BPIFB1: variants seen among roughly 807,000 people sequenced by gnomAD.
BPIFB1 encodes BPI fold containing family B member 1.
BPIFB1 carries 34 observed loss-of-function variants against 55.1 expected under a neutral mutation model. That is an observed-to-expected ratio of 0.62 (90% CI 0.47 to 0.82). BPIFB1 has a LOEUF of 0.82. Among genes scored for constraint, BPIFB1 ranks in the 40% least tolerant of loss-of-function variants. The probability of loss-of-function intolerance (pLI) is 0.00; values close to 1 mark genes in which losing one functional copy is unlikely to be tolerated. For missense variants in BPIFB1, 532 were observed against 593.1 expected, an observed-to-expected ratio of 0.90 and a Z score of 1.07; for synonymous variants, 236 against 245.3, an observed-to-expected ratio of 0.96 and a Z score of 0.35.
chr20:33,305,505 G>A (rs1294574262), intron 13 of BPIFB1, among the ~76,000 whole-genome samples: 1 of 151,862 alleles, frequency 6.6e-6, no homozygotes, highest in Non-Finnish European at 1.5e-5. Flanking sequence ...TTTTAGTAGA[G>A]ACAGGGTTTC....
intron 15 of BPIFB1, chr20:33,307,834 A>T (rs778439434): frequency 1.3e-5 from 2 of 152,108 alleles, no homozygotes; most frequent in Non-Finnish European, 2.9e-5. Context: ...GAATTGCTTG[A>T]ACCCAGGAGG....
At chr20:33,293,779 T>A (rs1331307091) in intron 6 of BPIFB1, among the ~76,000 whole-genome samples, 1 of 152,224 alleles carries the variant, frequency 6.6e-6, no homozygotes, top group Non-Finnish European at 1.5e-5. Context: ...ATGTTGAGGC[T>A]GCAGTGAGTC....
At chr20:33,306,858 CT>C in intron 14 of BPIFB1, 52 bp from the exon 15 acceptor site, 1 of 1,494,538 alleles carries the variant, frequency 6.7e-7, no homozygotes, top group South Asian at 1.1e-5. Context: ...CTGCCCCTGG[CT>C]GCCCAGTCTC....
In BPIFB1 at chr20:33,288,791, C is replaced by CCCA. The variant is rs755196186; in HGVS notation, c.166_167insCCA (p.Leu56delinsProMet). Reference sequence around the variant, plus strand: ...CAACGCCACCAGCATCCTGCAGCAGCTGCCGCTGCTCAGTGCCATGCGGGA... The same window carrying CCCA: ...CAACGCCACCAGCATCCTGCAGCAGCCCATGCCGCTGCTCAGTGCCATGCGGGA... On this transcript the variant is annotated protein_altering_variant, in exon 3 of 16. Coordinates refer to ENST00000253354, the MANE Select transcript of BPIFB1 (RefSeq NM_033197.3). 1 of 1,614,036 alleles carries CCCA rather than the reference C, an allele frequency of 6.2e-7. No homozygotes were observed. The highest frequency in any genetic ancestry group is 1.1e-5 in the South Asian group (1 of 91,080).
In BPIFB1 at chr20:33,306,211, C is replaced by T. The variant is rs1981022268; in HGVS notation, c.1318+146C>T. 3.4e-6 allele frequency: 3 copies of T among 881,848 alleles called. No individual in the cohort carries two copies. In the East Asian group the frequency reaches 7.6e-5, roughly 22 times the overall value. 54.6% of individuals were successfully genotyped at this position (881,848 alleles called of 1,614,324 possible). A position where few individuals can be genotyped will look rare whatever the true frequency, so the allele number is the denominator to read the frequency against. ...TCAAAATCTGCCTCCTCCCAAGAAC[C>T]TTCTCAGCCCAATTCCTTTGCTAGT... is the stretch of plus-strand genomic sequence containing the variant. On this transcript the variant is annotated intron_variant, in intron 14 of 15. Transcript: ENST00000253354.
rs780773323 is a variant in BPIFB1 at position 33,302,980 on chromosome 20, T to G, written c.1046T>G (p.Phe349Cys). ...KILTQDTPEF[F>C]IDQGHAKVAQ... ...CTAACTCAGGACACTCCCGAGTTTT[T>G]TATAGACCAAGGCCATGCCAAGGTG... Residue 349 changes from phenylalanine to cysteine, a missense_variant, in exon 11 of 16, where the codon TTT becomes TGT. Transcript: ENST00000253354. The G allele has an allele frequency of 6.3e-5, 101 of 1,613,992 alleles. No homozygotes were observed. The highest frequency in any genetic ancestry group is 8.0e-5 in the Non-Finnish European group (94 of 1,179,992).
intron 3 of BPIFB1, among the ~76,000 whole-genome samples, chr20:33,289,556 G>T (rs1980386978): frequency 6.6e-6 from 1 of 152,224 alleles, no homozygotes; most frequent in South Asian, 2.1e-4. Context: ...CTGGGCAAAG[G>T]CATGGAGAAG....
At chr20:33,296,507 A>T (rs1425139108) in intron 6 of BPIFB1, among the ~76,000 whole-genome samples, 1 of 152,222 alleles carries the variant, frequency 6.6e-6, no homozygotes, top group Non-Finnish European at 1.5e-5. Flanking sequence ...TAAGCAGAAC[A>T]GCTCAGGTCA....
intron 7 of BPIFB1, among the ~76,000 whole-genome samples, chr20:33,299,540 G>A (rs1054179411): frequency 6.6e-6 from 1 of 152,184 alleles, no homozygotes. Context: ...GTTCCAAACC[G>A]GGACTTTGGC....
chr20:33,288,679 T>G (rs2295576), intron 2 of BPIFB1, 62 bp from the exon 3 acceptor site: 1 of 1,576,422 alleles, frequency 6.3e-7, no homozygotes, highest in Non-Finnish European at 8.6e-7. Context: ...AGCCTGGAGC[T>G]CCCACCAAGC....
chr20:33,290,737 G>T (rs1323817687), intron 4 of BPIFB1, among the ~76,000 whole-genome samples: 1 of 152,232 alleles, frequency 6.6e-6, no homozygotes, highest in South Asian at 2.1e-4. Context: ...GGGGCTGGGG[G>T]TAAGTTTGGA....
chr20:33,299,980 T>C lies in BPIFB1; in HGVS notation c.743T>C (p.Leu248Pro). Residue 248 changes from leucine to proline, a missense_variant, in exon 8 of 16, where the codon CTG becomes CCG. Transcript: ENST00000253354. ...AAGGGTGACACCATTCAGCTCTACCTGGGGGTGAGTGTCCCAGGACCTTGA... is the reference window on the plus strand; with the variant it reads ...AAGGGTGACACCATTCAGCTCTACCCGGGGGTGAGTGTCCCAGGACCTTGA... ...AIKGDTIQLY[L>P]GAKLLDSQGK... The C allele has an allele frequency of 6.2e-7, 1 of 1,613,600 alleles. No homozygotes were observed. Among genetic ancestry groups the C allele is most frequent in the East Asian group, 2.2e-5 (1 of 44,860 alleles).
intron 6 of BPIFB1, among the ~76,000 whole-genome samples, chr20:33,292,518 T>G (rs6057815): frequency 0.25 from 37,334 of 152,220 alleles, 5,165 homozygotes; most frequent in Non-Finnish European, 0.32. Flanking sequence ...TATAATTTAT[T>G]TAATTGTAAG....
chr20:33,302,534 C>A, intron 10 of BPIFB1, 122 bp downstream of exon 10: 1 of 1,076,576 alleles, frequency 9.3e-7, no homozygotes. Flanking sequence ...CAAACCGCAT[C>A]CCTGTCCGCA....
chr20:33,308,791 A>ACACACACCACACAC (rs1981131818), intron 15 of BPIFB1, among the ~76,000 whole-genome samples: 1 of 141,924 alleles, frequency 7.0e-6, no homozygotes, highest in Non-Finnish European at 1.5e-5. Flanking sequence ...ACACACACAT[A>ACACACACCACACAC]ATACACACAC....
In BPIFB1 at chr20:33,304,012, T is replaced by G. The variant is rs1274788092; in HGVS notation, c.1195T>G (p.Leu399Val). 1 of 1,612,850 alleles carries G rather than the reference T, an allele frequency of 6.2e-7. No individual in the cohort carries two copies. Among genetic ancestry groups the G allele is most frequent in the Non-Finnish European group, 8.5e-7 (1 of 1,179,690 alleles). The change falls in exon 12 of 16, where the codon TTG (leucine) becomes GTG (valine). Residue 399 changes from leucine (L) to valine (V), a missense_variant. Leu to Val is a conservative substitution (Grantham distance 32). Coordinates refer to ENST00000253354, the MANE Select transcript of BPIFB1 (RefSeq NM_033197.3). ...CAAAGGTGACCAACTTATACTCAAC[T>G]TGAATAACATCAGGTAAACACACAA... ...YTKGDQLILNLNNISSDRIQL... is the reference protein window; with the variant it reads ...YTKGDQLILNVNNISSDRIQL...
At chr20:33,301,580 C>T (rs554099653) in intron 9 of BPIFB1, among the ~76,000 whole-genome samples, 168 bp downstream of exon 9, 1 of 152,344 alleles carries the variant, frequency 6.6e-6, no homozygotes, top group East Asian at 1.9e-4. Flanking sequence ...AACCTAAAAT[C>T]CTCCCGGTAA....
intron 6 of BPIFB1, among the ~76,000 whole-genome samples, chr20:33,297,103 T>G (rs947737227): frequency 6.6e-6 from 1 of 152,320 alleles, no homozygotes; most frequent in East Asian, 1.9e-4. Context: ...GTATCTTTAG[T>G]AGAGATGAGG....
chr20:33,284,249 C>G (rs1380872049), intron 1 of BPIFB1, among the ~76,000 whole-genome samples: 1 of 152,198 alleles, frequency 6.6e-6, no homozygotes, highest in Non-Finnish European at 1.5e-5. Context: ...GATCACAGAG[C>G]AAGTGGTAGA....
Sources: gnomAD v4.1 joint callset for allele counts (sites outside exome capture counted in the v4.1 genomes callset) on GRCh38, gnomAD v4.1.1 for gene constraint, MANE v1.5 for transcripts, NCBI Gene and HGNC (gene_info 2026-07-23, HGNC 2026-07-21) for gene names.